ZNF548: variants seen among roughly 807,000 people sequenced by gnomAD.
ZNF548 encodes the protein zinc finger protein 548.
Under a neutral mutation model 10.2 loss-of-function variants are expected in ZNF548, and 10 were observed. That is an observed-to-expected ratio of 0.98 (90% CI 0.60 to 1.66). The LOEUF is 1.66. Among genes scored for constraint, ZNF548 ranks in the 40% most tolerant of loss-of-function variants. ZNF548 has a pLI of 0.00. For missense variants in ZNF548, 599 were observed against 657.0 expected (o/e 0.91, Z 0.97); for synonymous variants, 217 against 223.5 (o/e 0.97, Z 0.26).
At position 57,402,580 on chromosome 19, in the gene ZNF548, A is replaced by G. The variant is rs569741041; in HGVS notation, c.*2691A>G. 9.2e-5 allele frequency: 14 copies of G among 152,232 alleles called. No individual in the cohort carries two copies. The highest frequency in any genetic ancestry group is 9.2e-4 in the Admixed American group (14 of 15,284). The allele number at this position is 152,232 out of a possible 1,614,324, so 9.4% of individuals were successfully genotyped here. On this transcript the variant is annotated 3_prime_UTR_variant, in exon 4 of 4. Transcript: ENST00000336128. ...ACATTGGGTTGTTTCTTGCTATCAG[A>G]AGAACCCAGAAAAGTATTATGAATC...
Position 57,390,129 on chromosome 19 carries a change from C to G in ZNF548, c.15+15C>G. ...ACCTGACTGAGGTGGGTGTCCCGTC[C>G]CAGGCTCCCCCGCCCGACCGGTCCT... On this transcript the variant is annotated intron_variant, in intron 1 of 3. Transcript: ENST00000336128. 6.2e-7 allele frequency: 1 copy of G among 1,606,806 alleles called. No homozygotes were observed. The highest frequency in any genetic ancestry group is 1.1e-5 in the South Asian group (1 of 91,010).
rs1321843479 is a variant in ZNF548 at position 57,401,087 on chromosome 19, T to A, written c.*1198T>A. 6.6e-6 allele frequency: 1 copy of A among 152,232 alleles called. No individual in the cohort carries two copies. Among genetic ancestry groups the A allele is most frequent in the East Asian group, 1.9e-4 (1 of 5,198 alleles). The allele number at this position is 152,232 out of a possible 1,614,324, so 9.4% of individuals were successfully genotyped here. On this transcript the variant is annotated 3_prime_UTR_variant, in exon 4 of 4. Coordinates refer to ENST00000336128, the MANE Select transcript of ZNF548 (RefSeq NM_001172773.2). ...TTTTTGTTGTTGAGTTGTAGTTCTT[T>A]ATACATTCTGGATATTAACTCCTTA...
chr19:57,399,121 A>G lies in ZNF548; in HGVS notation c.870A>G (p.Glu290=). The G allele has an allele frequency of 1.9e-6, 3 of 1,614,242 alleles. No homozygotes were observed. Among genetic ancestry groups the G allele is most frequent in the Non-Finnish European group, 2.5e-6 (3 of 1,180,044 alleles). Residue 290 remains glutamate, a synonymous_variant, in exon 4 of 4, where the codon GAA becomes GAG. Coordinates refer to ENST00000336128, the MANE Select transcript of ZNF548 (RefSeq NM_001172773.2). This position sits in a 1 kb window ranked among gnomAD's most constrained non-coding sequence, Gnocchi z 4.0. The part of the protein sequence containing the change: ...LMRHKRVHTG[E]RPYECNTCGK... ...GACATAAGCGAGTTCACACTGGAGA[A>G]AGGCCTTATGAGTGCAACACATGTG...
intron 2 of ZNF548, 126 bp downstream of exon 2, chr19:57,394,349 T>G (rs533057736): frequency 1.0e-6 from 1 of 992,280 alleles, no homozygotes; most frequent in East Asian, 2.6e-5. Context: ...CCAGTTAGTT[T>G]CAGTATTACA....
intron 2 of ZNF548, 145 bp downstream of exon 2, chr19:57,394,368 G>A (rs1600085780): frequency 1.2e-6 from 1 of 840,168 alleles, no homozygotes; most frequent in Middle Eastern, 2.3e-4. Context: ...CAAGTTGGCT[G>A]CTGGGTTACA....
chr19:57,399,497 T>TA lies in ZNF548; in HGVS notation c.1247dup (p.Tyr416Ter). ...CAGTGAATGTGGGAAATCATTTAGG[T>TA]ACCACTGCAGGCTCATTAGACACCA... Reference protein sequence around the residue: ...KCSECGKSFRYHCRLIRHQRV... With the variant: ...KCSECGKSFR The change falls in exon 4 of 4, where the codon TAC becomes TAAC. Residue 416 changes from tyrosine (Y) to a stop codon, truncating the protein, a stop_gained and frameshift_variant. Transcript: ENST00000336128. LOFTEE classifies it low-confidence loss of function (END_TRUNC). The surrounding 1 kb of genome is among the most constrained non-coding windows in gnomAD (Gnocchi z 4.0). The TA allele has an allele frequency of 6.2e-7, 1 of 1,613,752 alleles. No homozygotes were observed.
At chr19:57,396,721 C>A (rs1472431007) in intron 2 of ZNF548, among the ~76,000 whole-genome samples, 1 of 152,180 alleles carries the variant, frequency 6.6e-6, no homozygotes, top group African/African-American at 2.4e-5. Flanking sequence ...TTAGTTTAGT[C>A]CACGGACGCT....
In ZNF548 at chr19:57,402,240, A is replaced by T. The variant is rs1416796692; in HGVS notation, c.*2351A>T. Reference sequence around the variant, plus strand: ...GGTTTATATGTGGATTCTCTATTTTATTGGTCATATGTCTGTCTTTATGTC... The same window carrying T: ...GGTTTATATGTGGATTCTCTATTTTTTTGGTCATATGTCTGTCTTTATGTC... On this transcript the variant is annotated 3_prime_UTR_variant, in exon 4 of 4. Transcript: ENST00000336128. 2.6e-5 allele frequency: 4 copies of T among 152,122 alleles called. No individual in the cohort carries two copies. The highest frequency in any genetic ancestry group is 9.7e-5 in the African/African-American group (4 of 41,430). The allele number at this position is 152,122 out of a possible 1,614,324, so 9.4% of individuals were successfully genotyped here. A position where few individuals can be genotyped will look rare whatever the true frequency, so the allele number is the denominator to read the frequency against.
intron 2 of ZNF548, among the ~76,000 whole-genome samples, chr19:57,394,849 G>A (rs549814686): frequency 2.6e-5 from 4 of 152,288 alleles, no homozygotes; most frequent in South Asian, 4.2e-4. Flanking sequence ...AGGCAGCTGG[G>A]GAGGTGGGAT....
Position 57,389,955 on chromosome 19 carries a change from G to A in ZNF548, c.-145G>A, listed in dbSNP as rs1364813589. On this transcript the variant is annotated 5_prime_UTR_variant, in exon 1 of 4. Transcript: ENST00000336128. ...TCTGACGTCACCGAAGTGACGGAAC[G>A]GAAAAGCGCGAGAAGCGGCTCGGTT... 2.8e-6 allele frequency: 3 copies of A among 1,067,930 alleles called. No individual in the cohort carries two copies. Among genetic ancestry groups the A allele is most frequent in the East Asian group, 2.6e-5 (1 of 38,552 alleles). The allele number at this position is 1,067,930 out of a possible 1,614,324, so 66.2% of individuals were successfully genotyped here. A position where few individuals can be genotyped will look rare whatever the true frequency, so the allele number is the denominator to read the frequency against.
In ZNF548 at chr19:57,399,709, A is replaced by G; in HGVS notation, c.1458A>G (p.Glu486=). The change falls in exon 4 of 4, where the codon GAA becomes GAG. Residue 486 remains glutamate (E), a synonymous_variant. Transcript: ENST00000336128. The surrounding 1 kb of genome is among the most constrained non-coding windows in gnomAD (Gnocchi z 4.0). ...AGCACCAGAAAATCCACAGTGGAGA[A>G]AGACCTTATGAGTGCAGCGAATGCC... ...LVEHQKIHSG[E]RPYECSECQK... is the part of the protein sequence containing the mutation. 1 of 1,614,220 alleles carries G rather than the reference A, an allele frequency of 6.2e-7. No homozygotes were observed. The highest frequency in any genetic ancestry group is 8.5e-7 in the Non-Finnish European group (1 of 1,180,034).
chr19:57,398,334 G>A, intron 3 of ZNF548, 96 bp from the exon 4 acceptor site: 1 of 1,554,360 alleles, frequency 6.4e-7, no homozygotes, highest in Non-Finnish European at 8.7e-7. Context: ...CAATCCCATG[G>A]CCTTATTTGT....
Position 57,399,523 on chromosome 19 carries a change from G to C in ZNF548, c.1272G>C (p.Gln424His). The part of the protein sequence containing the change: ...FRYHCRLIRH[Q>H]RVHTGERPYE... ...ACCACTGCAGGCTCATTAGACACCA[G>C]AGAGTCCACACGGGAGAAAGGCCTT... Residue 424 changes from glutamine to histidine, a missense_variant, in exon 4 of 4, where the codon CAG becomes CAC. Gln to His is a conservative substitution (Grantham distance 24). Coordinates refer to ENST00000336128, the MANE Select transcript of ZNF548 (RefSeq NM_001172773.2). This position sits in a 1 kb window ranked among gnomAD's most constrained non-coding sequence, Gnocchi z 4.0. 6.2e-7 allele frequency: 1 copy of C among 1,614,174 alleles called. No individual in the cohort carries two copies. The highest frequency in any genetic ancestry group is 8.5e-7 in the Non-Finnish European group (1 of 1,180,014).
chr19:57,401,789 A>G lies in ZNF548; in HGVS notation c.*1900A>G, dbSNP rs1266996274. 6.8e-6 allele frequency: 1 copy of G among 147,486 alleles called. No homozygotes were observed. The highest frequency in any genetic ancestry group is 1.5e-5 in the Non-Finnish European group (1 of 67,350). 9.1% of individuals were successfully genotyped at this position (147,486 alleles called of 1,614,324 possible). ...AGTCTTGCTCTGTCACCCAGCCTGG[A>G]GTGCAGTAGTGGAATCTCAGCTCAC... On this transcript the variant is annotated 3_prime_UTR_variant, in exon 4 of 4. Transcript: ENST00000336128.
Position 57,398,577 on chromosome 19 carries a change from TG to T in ZNF548, c.327del (p.Cys110AlafsTer144). ...TGTGGCCCACCCTTGAAAGACATTCTGTGCCTGGTTGAGCACAATGGAATTC... is the reference window on the plus strand; with the variant it reads ...TGTGGCCCACCCTTGAAAGACATTCTTGCCTGGTTGAGCACAATGGAATTC... ...ETCGPPLKDILCLVEHNGIHP... is the reference protein window; with the variant it reads ...ETCGPPLKDIXCLVEHNGIHP... On this transcript the variant is annotated frameshift_variant, in exon 4 of 4. Coordinates refer to ENST00000336128, the MANE Select transcript of ZNF548 (RefSeq NM_001172773.2). LOFTEE classifies it low-confidence loss of function (END_TRUNC). 2 of 1,614,096 alleles carry T rather than the reference TG, an allele frequency of 1.2e-6. No individual in the cohort carries two copies. Among genetic ancestry groups the T allele is most frequent in the African/African-American group, 2.7e-5 (2 of 75,080 alleles).
At chr19:57,393,984 C>G in intron 1 of ZNF548, 2 of 637,478 alleles carry the variant, frequency 3.1e-6, no homozygotes, top group South Asian at 1.8e-5. Context: ...TTCTTGCAAT[C>G]TATTTACAGA....
Position 57,395,044 on chromosome 19 carries a change from A to C in ZNF548, c.51+821A>C, listed in dbSNP as rs1041502322. Among the ~76,000 whole-genome samples, 6 of 152,026 alleles carry C rather than the reference A, an allele frequency of 3.9e-5. No homozygotes were observed. Among genetic ancestry groups the C allele is most frequent in the Admixed American group, 6.5e-5 (1 of 15,278 alleles). On this transcript the variant is annotated intron_variant, in intron 2 of 3. Coordinates refer to ENST00000336128, the MANE Select transcript of ZNF548 (RefSeq NM_001172773.2). This position sits in a 1 kb window ranked among gnomAD's most constrained non-coding sequence, Gnocchi z 4.8. The stretch of plus-strand genomic sequence containing the variant: ...AGTTCAGGTTGGAGATGTCCACACT[A>C]TGGTGGCTGTCGTATGGACCAGGAT...
In ZNF548 at chr19:57,399,913, T is replaced by A. The variant is rs1297165831; in HGVS notation, c.*24T>A. On this transcript the variant is annotated 3_prime_UTR_variant, in exon 4 of 4. Transcript: ENST00000336128. This position sits in a 1 kb window ranked among gnomAD's most constrained non-coding sequence, Gnocchi z 4.0. ...GACTATTGTAATTGGGTAGTAATGT[T>A]ATATAAATTCCACATTTTTATGCAA... The A allele has an allele frequency of 6.0e-6, 9 of 1,504,600 alleles. No individual in the cohort carries two copies. In the Admixed American group the frequency reaches 1.4e-4, roughly 24 times the overall value. 93.2% of individuals were successfully genotyped at this position (1,504,600 alleles called of 1,614,324 possible).
chr19:57,390,062 C>G lies in ZNF548; in HGVS notation c.-38C>G. The G allele has an allele frequency of 6.2e-7, 1 of 1,607,118 alleles. No homozygotes were observed. The highest frequency in any genetic ancestry group is 2.2e-5 in the East Asian group (1 of 44,826). ...CTTGTCTTGCCTTTGTCGCTCCCGC[C>G]CCGCTCTTCCCTGGCTGGGCTGGCG... On this transcript the variant is annotated 5_prime_UTR_variant, in exon 1 of 4. Transcript: ENST00000336128.
Sources: allele counts gnomAD v4.1 joint callset (sites outside exome capture counted in the v4.1 genomes callset), GRCh38; gene constraint gnomAD v4.1.1; non-coding constraint Gnocchi (gnomAD v3.1); transcripts MANE v1.5; gene names NCBI Gene and HGNC (gene_info 2026-07-23, HGNC 2026-07-21).